Variants in METAP1 observed in about 807,000 individuals in gnomAD.
METAP1 encodes methionyl aminopeptidase 1, also known as methionine aminopeptidase 1.
METAP1 carries 28 observed loss-of-function variants against 53.8 expected under a neutral mutation model. The ratio of observed to expected loss-of-function variants is 0.52; its 90% CI spans 0.39 to 0.71. The LOEUF (loss-of-function observed/expected upper bound fraction) is 0.71. METAP1 is among the 30% of genes least tolerant of loss of function. The pLI is 0.00. For synonymous variants in METAP1, 181 were observed against 165.7 expected, an observed-to-expected ratio of 1.09 and a Z score of -0.71; for missense variants, 389 against 479.8, an observed-to-expected ratio of 0.81 and a Z score of 1.77.
intron 1 of METAP1, among the ~76,000 whole-genome samples, chr4:98,996,491 G>T (rs752262453): frequency 2.2e-4 from 34 of 152,262 alleles, no homozygotes; most frequent in Non-Finnish European, 4.0e-4. Flanking sequence ...TGGGGGTGGG[G>T]AAGGGAGAGG....
intron 9 of METAP1, among the ~76,000 whole-genome samples, chr4:99,056,579 TG>T (rs1727138477): frequency 6.6e-6 from 1 of 152,224 alleles, no homozygotes; most frequent in Non-Finnish European, 1.5e-5. Flanking sequence ...CTTGTTTGTT[TG>T]TTTGTTTTTG....
Position 99,062,162 on chromosome 4 carries a change from A to G in METAP1, c.*845A>G, listed in dbSNP as rs1727582424. ...CCCCCTTTCTTCCCTTTTCTGTTTT[A>G]CTTCAAGGGCATACCTTGGAGGTGC... On this transcript the variant is annotated 3_prime_UTR_variant, in exon 11 of 11. Coordinates refer to ENST00000296411, the MANE Select transcript of METAP1 (RefSeq NM_015143.3). 6.6e-6 allele frequency: 1 copy of G among 152,208 alleles called. No individual in the cohort carries two copies. Among genetic ancestry groups the G allele is most frequent in the Non-Finnish European group, 1.5e-5 (1 of 68,038 alleles). 9.4% of individuals were successfully genotyped at this position (152,208 alleles called of 1,614,324 possible). A position where few individuals can be genotyped will look rare whatever the true frequency, so the allele number is the denominator to read the frequency against.
chr4:99,022,695 A>AC, intron 1 of METAP1: 1 of 1,431,092 alleles, frequency 7.0e-7, no homozygotes, highest in Non-Finnish European at 9.7e-7. Flanking sequence ...TGGTGCAAGT[A>AC]CTTGAGATTC....
chr4:99,061,221 T>C lies in METAP1; in HGVS notation c.1065T>C (p.Ala355=). 6.2e-7 allele frequency: 1 copy of C among 1,613,996 alleles called. No homozygotes were observed. The highest frequency in any genetic ancestry group is 8.5e-7 in the Non-Finnish European group (1 of 1,179,884). ...TGACAAGAGACGGAAAGCGGTCTGC[T>C]CAGTTTGAGCACACCCTCCTGGTCA... ...TAVTRDGKRS[A]QFEHTLLVTD... The change falls in exon 11 of 11, where the codon GCT becomes GCC. Residue 355 remains alanine (A), a synonymous_variant. Transcript: ENST00000296411.
chr4:99,057,779 T>C lies in METAP1; in HGVS notation c.958T>C (p.Ser320Pro). ...AKNKAVGVMKSGHVFTIEPMI... is the reference protein window; with the variant it reads ...AKNKAVGVMKPGHVFTIEPMI... ...AAATAAAGCAGTTGGAGTGATGAAG[T>C]CGGGCCATGTATTTACAATTGAGCC... Residue 320 changes from serine (S) to proline (P), a missense_variant, in exon 10 of 11, where the codon TCG becomes CCG. Transcript: ENST00000296411. The C allele has an allele frequency of 6.3e-7, 1 of 1,595,660 alleles. No individual in the cohort carries two copies. The highest frequency in any genetic ancestry group is 1.1e-5 in the South Asian group (1 of 87,520).
chr4:99,020,465 A>G (rs1252213182), intron 1 of METAP1, among the ~76,000 whole-genome samples: 9 of 152,136 alleles, frequency 5.9e-5, no homozygotes, highest in Admixed American at 6.5e-5. Flanking sequence ...AGGAGATATC[A>G]GAGACTTCTG....
chr4:99,023,778 A>T (rs1275798905), intron 1 of METAP1: 2 of 985,130 alleles, frequency 2.0e-6, no homozygotes, highest in Non-Finnish European at 2.4e-6. Context: ...GGTTAATTTG[A>T]TAGATACTAA....
At chr4:99,011,005 GTTGA>G (rs1213993246) in intron 1 of METAP1, among the ~76,000 whole-genome samples, 2 of 146,840 alleles carry the variant, frequency 1.4e-5, no homozygotes, top group East Asian at 4.0e-4. Flanking sequence ...TGATTTTTAT[GTTGA>G]TTATCCTGCA....
At chr4:99,027,945 CGTAGT>C (rs747044099) in intron 1 of METAP1, among the ~76,000 whole-genome samples, 72,378 of 151,700 alleles carry the variant, frequency 0.48, 18,607 homozygotes, top group South Asian at 0.67. Flanking sequence ...TGGTTAACTA[CGTAGT>C]CCTAGGGATT....
At chr4:99,006,625 T>G (rs1248841116) in intron 1 of METAP1, among the ~76,000 whole-genome samples, 1 of 152,216 alleles carries the variant, frequency 6.6e-6, no homozygotes, top group Non-Finnish European at 1.5e-5. Flanking sequence ...ACAAGAATTC[T>G]CTGATTTCAT....
At position 99,045,259 on chromosome 4, in the gene METAP1, C is replaced by G; in HGVS notation, c.736C>G (p.Arg246Gly). The G allele has an allele frequency of 1.2e-6, 2 of 1,613,766 alleles. No homozygotes were observed. Among genetic ancestry groups the G allele is most frequent in the Non-Finnish European group, 1.7e-6 (2 of 1,179,806 alleles). ...FFVGEVDDGA[R>G]KLVQTTYECL... ...TGTTGGAGAAGTGGATGATGGAGCA[C>G]GGAAACTTGTTCAGACCACATATGA... The change falls in exon 8 of 11, where the codon CGG becomes GGG. Residue 246 changes from arginine (R) to glycine (G), a missense_variant. Physicochemically the swap from Arg to Gly is moderately radical, Grantham distance 125 (BLOSUM62 -2). Coordinates refer to ENST00000296411, the MANE Select transcript of METAP1 (RefSeq NM_015143.3).
At chr4:99,009,377 A>T (rs1230160) in intron 1 of METAP1, among the ~76,000 whole-genome samples, 2 of 152,076 alleles carry the variant, frequency 1.3e-5, no homozygotes, top group Non-Finnish European at 2.9e-5. Context: ...TTTTGGATCT[A>T]TACTCAGAAG....
At position 99,054,540 on chromosome 4, in the gene METAP1, G is replaced by A. The variant is rs538032337; in HGVS notation, c.932-3213G>A. Among the ~76,000 whole-genome samples, 4 of 152,344 alleles carry A rather than the reference G, an allele frequency of 2.6e-5. No homozygotes were observed. In the East Asian group the frequency reaches 5.8e-4, roughly 22 times the overall value. ...TTACTTTCTTGCATTTGTGGGTTCAGTGAAGTAGCGCTTTCAATTTCCTTC... is the reference window on the plus strand; with the variant it reads ...TTACTTTCTTGCATTTGTGGGTTCAATGAAGTAGCGCTTTCAATTTCCTTC... On this transcript the variant is annotated intron_variant, in intron 9 of 10. Coordinates refer to ENST00000296411, the MANE Select transcript of METAP1 (RefSeq NM_015143.3).
At chr4:99,006,677 A>G (rs1267968698) in intron 1 of METAP1, among the ~76,000 whole-genome samples, 1 of 152,144 alleles carries the variant, frequency 6.6e-6, no homozygotes, top group African/African-American at 2.4e-5. Context: ...TTATCTCCCA[A>G]ATGTCATCCA....
At position 99,004,482 on chromosome 4, in the gene METAP1, C is replaced by T. The variant is rs1016345647; in HGVS notation, c.114+8615C>T. Among the ~76,000 whole-genome samples, 10 of 16,986 alleles carry T rather than the reference C, an allele frequency of 5.9e-4. No homozygotes were observed. The South Asian group carries it at 0.014, about 24-fold the overall frequency. 11.1% of individuals were successfully genotyped at this position (16,986 alleles called of 152,430 possible). On this transcript the variant is annotated intron_variant, in intron 1 of 10. Coordinates refer to ENST00000296411, the MANE Select transcript of METAP1 (RefSeq NM_015143.3). The stretch of plus-strand genomic sequence containing the variant: ...ACACACACACACACACACACACACA[C>T]ATACACACACACACACACACACACA...
intron 1 of METAP1, chr4:99,026,189 T>A (rs746791012): frequency 2.1e-6 from 2 of 973,164 alleles, no homozygotes; most frequent in Non-Finnish European, 2.4e-6. Context: ...GTCTCAGATA[T>A]TTTGGGTTCA....
At chr4:99,035,780 A>G (rs1394609973) in intron 4 of METAP1, among the ~76,000 whole-genome samples, 2 of 152,124 alleles carry the variant, frequency 1.3e-5, no homozygotes, top group African/African-American at 4.8e-5. Flanking sequence ...AACAATATCT[A>G]TTTAGGTAAA....
At chr4:99,046,951 A>G (rs112711942) in intron 8 of METAP1, among the ~76,000 whole-genome samples, 2,882 of 148,480 alleles carry the variant, frequency 0.019, 60 homozygotes, top group African/African-American at 0.068. Context: ...AAAAAAAAAA[A>G]AAAAAAAGAA....
At chr4:99,028,159 A>G (rs1724714916) in intron 1 of METAP1, among the ~76,000 whole-genome samples, 1 of 152,218 alleles carries the variant, frequency 6.6e-6, no homozygotes. Flanking sequence ...TGTTTGAATT[A>G]TTCTTTTCCT....
Sources: allele counts gnomAD v4.1 joint callset (sites outside exome capture counted in the v4.1 genomes callset), GRCh38; gene constraint gnomAD v4.1.1; transcripts MANE v1.5; gene names NCBI Gene and HGNC (gene_info 2026-07-23, HGNC 2026-07-21).